The following DCAF1 variants were observed in gnomAD, a reference collection of about 807,000 sequenced individuals.
DCAF1 encodes the protein DDB1- and CUL4-associated factor 1.
A neutral mutation model predicts 128.0 loss-of-function variants in DCAF1; 15 were observed. That is an observed-to-expected ratio of 0.12 (90% CI 0.08 to 0.18). The LOEUF is 0.18. Among genes scored for constraint, DCAF1 ranks in the 10% least tolerant of loss-of-function variants. The pLI is 1.00. For missense variants in DCAF1, 988 were observed against 1,649.5 expected (o/e 0.60, Z 6.95); for synonymous variants, 610 against 603.0 (o/e 1.01, Z -0.17).
chr3:51,473,891 C>T (rs1553649424), intron 3 of DCAF1, among the ~76,000 whole-genome samples: 1 of 151,954 alleles, frequency 6.6e-6, no homozygotes, highest in African/African-American at 2.4e-5. Flanking sequence ...GCAACCTCTG[C>T]CTCCCACGTT....
chr3:51,417,511 G>C (rs1366218068), intron 17 of DCAF1, among the ~76,000 whole-genome samples: 3 of 152,100 alleles, frequency 2.0e-5, no homozygotes, highest in East Asian at 1.9e-4. Context: ...ACAAGGTCAG[G>C]AGATCAACAC....
At chr3:51,458,450 C>T (rs1395329419) in intron 6 of DCAF1, among the ~76,000 whole-genome samples, 6 of 152,220 alleles carry the variant, frequency 3.9e-5, no homozygotes, top group African/African-American at 1.4e-4. Context: ...CTTAGACTCC[C>T]ACACAATAAT....
chr3:51,405,583 T>A (rs2106927251), intron 23 of DCAF1, among the ~76,000 whole-genome samples: 1 of 152,362 alleles, frequency 6.6e-6, no homozygotes, highest in East Asian at 1.9e-4. Flanking sequence ...CTCTACTTTG[T>A]ATTTAATGCC....
At chr3:51,479,006 G>A (rs1426121033) in intron 3 of DCAF1, among the ~76,000 whole-genome samples, 1 of 152,082 alleles carries the variant, frequency 6.6e-6, no homozygotes, top group African/African-American at 2.4e-5. Context: ...TTTTTTAACA[G>A]TTATGATACT....
chr3:51,503,079 G>T (rs1553664666), upstream of DCAF1, among the ~76,000 whole-genome samples: 3 of 152,292 alleles, frequency 2.0e-5, no homozygotes, highest in African/African-American at 7.2e-5. Context: ...GCACCATTGG[G>T]AGGAGATTTA....
At chr3:51,422,225 C>G in intron 14 of DCAF1, 82 bp downstream of exon 14, 1 of 696,350 alleles carries the variant, frequency 1.4e-6, no homozygotes, top group Non-Finnish European at 2.7e-6. Flanking sequence ...AAAATTAGGT[C>G]AGGTAAGTAA....
At chr3:51,430,320 C>T in intron 10 of DCAF1, 108 bp from the exon 11 acceptor site, 2 of 598,072 alleles carry the variant, frequency 3.3e-6, no homozygotes, top group Non-Finnish European at 6.1e-6. Flanking sequence ...CAATGACCAT[C>T]TCCAATCAAG....
At chr3:51,412,309 T>C in intron 23 of DCAF1, 70 bp downstream of exon 23, 1 of 1,602,106 alleles carries the variant, frequency 6.2e-7, no homozygotes, top group Non-Finnish European at 8.5e-7. Context: ...TAAAACCTCC[T>C]ACAGCAAAAA....
At chr3:51,413,815 A>T in intron 20 of DCAF1, 135 bp downstream of exon 20, 1 of 1,175,996 alleles carries the variant, frequency 8.5e-7, no homozygotes, top group East Asian at 3.1e-5. Context: ...CATACTATCA[A>T]TTTTTTATCT....
intron 6 of DCAF1, among the ~76,000 whole-genome samples, chr3:51,452,140 C>T (rs1419659560): frequency 6.6e-6 from 1 of 151,970 alleles, no homozygotes; most frequent in Non-Finnish European, 1.5e-5. Context: ...GCGTCCACCT[C>T]CTGGGCCCAA....
chr3:51,487,818 G>A (rs1253491621), intron 2 of DCAF1, among the ~76,000 whole-genome samples: 2 of 151,616 alleles, frequency 1.3e-5, no homozygotes, highest in Non-Finnish European at 2.9e-5. Context: ...TAGGATTACA[G>A]GGACAAACCA....
At chr3:51,503,077 GGGA>G (rs1367225351), upstream of DCAF1, among the ~76,000 whole-genome samples, 6 of 152,184 alleles carry the variant, frequency 3.9e-5, no homozygotes, top group African/African-American at 1.4e-4. Context: ...CTGCACCATT[GGGA>G]GGAGATTTAT....
intron 13 of DCAF1, among the ~76,000 whole-genome samples, chr3:51,425,035 ATGTG>A (rs1553633767): frequency 6.6e-6 from 1 of 152,230 alleles, no homozygotes; most frequent in African/African-American, 2.4e-5. Flanking sequence ...AATATTAATT[ATGTG>A]TATTTGCAAA....
Position 51,489,834 on chromosome 3 carries a change from TATAGATAG to T in DCAF1, c.-8-6006_-8-5999del, listed in dbSNP as rs71637574. On this transcript the variant is annotated intron_variant, in intron 2 of 24. Coordinates refer to ENST00000684031, the MANE Select transcript of DCAF1 (RefSeq NM_001387579.1). ...GCATGTGTGTGTGTGTGTGTGTGTA[TATAGATAG>T]ATAGATAGATAGATAGATGGTATCC... 7.2e-3 allele frequency among the ~76,000 whole-genome samples: 779 copies of T among 108,368 alleles called. 5 individuals carry two copies. Among genetic ancestry groups the T allele is most frequent in the Non-Finnish European group, 0.014 (533 of 39,352 alleles). 71.1% of individuals were successfully genotyped at this position (108,368 alleles called of 152,430 possible). A position where few individuals can be genotyped will look rare whatever the true frequency, so the allele number is the denominator to read the frequency against.
intron 23 of DCAF1, among the ~76,000 whole-genome samples, chr3:51,404,175 G>A (rs533214153): frequency 2.6e-5 from 4 of 152,334 alleles, no homozygotes; most frequent in Admixed American, 2.6e-4. Flanking sequence ...CTTCAAAAGG[G>A]AGAGGACACA....
chr3:51,417,459 G>A (rs1244732933), intron 17 of DCAF1, among the ~76,000 whole-genome samples: 1 of 152,076 alleles, frequency 6.6e-6, no homozygotes, highest in Non-Finnish European at 1.5e-5. Flanking sequence ...GGTGGCTCAG[G>A]CCTGTAATCC....
chr3:51,436,444 G>GAGCCATGTC (rs782346802), intron 9 of DCAF1: 1 of 519,996 alleles, frequency 1.9e-6, no homozygotes, highest in Non-Finnish European at 3.8e-6. Context: ...TTATGACACT[G>GAGCCATGTC]AGCCATGTCA....
At chr3:51,464,764 C>G (rs755334783) in intron 5 of DCAF1, among the ~76,000 whole-genome samples, 2 of 151,788 alleles carry the variant, frequency 1.3e-5, no homozygotes, top group Non-Finnish European at 2.9e-5. Flanking sequence ...ACCGAAGCCC[C>G]TAGGAGGGCA....
chr3:51,485,458 CAT>C (rs1430880342), intron 2 of DCAF1, among the ~76,000 whole-genome samples: 2 of 152,152 alleles, frequency 1.3e-5, no homozygotes, highest in Non-Finnish European at 2.9e-5. Flanking sequence ...AAGACACCCA[CAT>C]ATGAGAGGCT....
Sources: allele counts gnomAD v4.1 joint callset (sites outside exome capture counted in the v4.1 genomes callset), GRCh38; gene constraint gnomAD v4.1.1; transcripts MANE v1.5; gene names NCBI Gene and HGNC (gene_info 2026-07-23, HGNC 2026-07-21).